FUT9: variants seen among roughly 807,000 people sequenced by gnomAD.
FUT9 encodes the protein fucosyltransferase 9, also known as 4-galactosyl-N-acetylglucosaminide 3-alpha-L-fucosyltransferase 9.
Under a neutral mutation model 29.7 loss-of-function variants are expected in FUT9, and 15 were observed. The ratio of observed to expected loss-of-function variants is 0.51; its 90% CI spans 0.34 to 0.78. The LOEUF (loss-of-function observed/expected upper bound fraction) is 0.78. FUT9 is among the 30% of genes least tolerant of loss of function. FUT9 has a pLI of 0.01. For synonymous variants in FUT9, 169 were observed against 153.7 expected (o/e 1.10, Z -0.74); for missense variants, 319 against 425.4 (o/e 0.75, Z 2.20).
At chr6:96,016,380 A>G (rs891132758) in intron 1 of FUT9, among the ~76,000 whole-genome samples, 168 bp downstream of exon 1, 2 of 150,650 alleles carry the variant, frequency 1.3e-5, no homozygotes, top group African/African-American at 4.9e-5. Flanking sequence ...TTTGATTTCA[A>G]CTCCACCTGC....
intron 1 of FUT9, among the ~76,000 whole-genome samples, chr6:96,034,669 G>C (rs1003436377): frequency 6.6e-6 from 1 of 151,556 alleles, no homozygotes; most frequent in Non-Finnish European, 1.5e-5. Context: ...ACTACAATAA[G>C]GGCAATTTAA....
chr6:96,139,611 C>T (rs1772424171), intron 2 of FUT9, among the ~76,000 whole-genome samples: 1 of 152,180 alleles, frequency 6.6e-6, no homozygotes, highest in Non-Finnish European at 1.5e-5. Context: ...TCTGCCTGGA[C>T]ATCCAGGCAT....
intron 2 of FUT9, among the ~76,000 whole-genome samples, chr6:96,195,716 C>T (rs1245891438): frequency 6.6e-6 from 1 of 152,044 alleles, no homozygotes; most frequent in African/African-American, 2.4e-5. Context: ...TGCACGTGTT[C>T]TTAGCATAAA....
intron 1 of FUT9, among the ~76,000 whole-genome samples, chr6:96,054,494 A>G (rs554237857): frequency 6.6e-6 from 1 of 152,346 alleles, no homozygotes; most frequent in South Asian, 2.1e-4. Flanking sequence ...CTACAAAGAT[A>G]AAAGAAAAGA....
chr6:96,085,414 T>C (rs913885388), intron 1 of FUT9, among the ~76,000 whole-genome samples: 4 of 152,198 alleles, frequency 2.6e-5, no homozygotes, highest in African/African-American at 9.7e-5. Context: ...TTGTGGTCTC[T>C]TTTATAAGGG....
intron 1 of FUT9, among the ~76,000 whole-genome samples, chr6:96,047,107 A>T (rs149389765): frequency 9.8e-5 from 15 of 152,326 alleles, no homozygotes; most frequent in African/African-American, 3.6e-4. Flanking sequence ...CCTGAAGCTC[A>T]TATGGTTTGG....
chr6:96,124,312 C>T (rs1479959623), intron 2 of FUT9, among the ~76,000 whole-genome samples: 1 of 151,480 alleles, frequency 6.6e-6, no homozygotes, highest in African/African-American at 2.4e-5. Flanking sequence ...CCACCACGAC[C>T]GGCTAATTTT....
intron 2 of FUT9, among the ~76,000 whole-genome samples, chr6:96,185,967 C>T (rs1773399119): frequency 6.6e-6 from 1 of 152,028 alleles, no homozygotes; most frequent in African/African-American, 2.4e-5. Context: ...CTCCAAGGTT[C>T]GAGAAATTTG....
Position 96,091,079 on chromosome 6 carries a change from T to A in FUT9, c.-97-22960T>A, listed in dbSNP as rs774031558. On this transcript the variant is annotated intron_variant, in intron 1 of 2. Transcript: ENST00000302103. ...CCCATCTCAAATATCACCCTGCAGATTACTTTTTAATTGCAATGGGAAATA... is the reference window on the plus strand; with the variant it reads ...CCCATCTCAAATATCACCCTGCAGAATACTTTTTAATTGCAATGGGAAATA... 3.9e-5 allele frequency among the ~76,000 whole-genome samples: 6 copies of A among 152,178 alleles called. No homozygotes were observed. In the Middle Eastern group the frequency reaches 0.02, roughly 518 times the overall value.
intron 2 of FUT9, among the ~76,000 whole-genome samples, chr6:96,116,492 G>T (rs1054024435): frequency 6.6e-6 from 1 of 152,138 alleles, no homozygotes; most frequent in Non-Finnish European, 1.5e-5. Context: ...AATATTTACA[G>T]AAAATTTGAT....
intron 1 of FUT9, among the ~76,000 whole-genome samples, chr6:96,056,768 C>A (rs750032365): frequency 1.3e-5 from 2 of 151,536 alleles, no homozygotes; most frequent in African/African-American, 4.9e-5. Context: ...AAAAAAAAAA[C>A]CTAAGCTTTT....
At chr6:96,135,707 C>T (rs889241860) in intron 2 of FUT9, among the ~76,000 whole-genome samples, 8 of 151,646 alleles carry the variant, frequency 5.3e-5, no homozygotes, top group South Asian at 2.1e-4. Flanking sequence ...TTGTAGAAGA[C>T]GAATGAGTTC....
Position 96,036,378 on chromosome 6 carries a change from C to G in FUT9, c.-98+20166C>G, listed in dbSNP as rs543639818. 6.8e-4 allele frequency among the ~76,000 whole-genome samples: 103 copies of G among 151,196 alleles called. 1 individual carries two copies. The highest frequency in any genetic ancestry group is 2.4e-3 in the African/African-American group (101 of 41,292). On this transcript the variant is annotated intron_variant, in intron 1 of 2. Coordinates refer to ENST00000302103, the MANE Select transcript of FUT9 (RefSeq NM_006581.4). ...ATTTGCTATTATAATTAAATAAAACCAAGAGCAATGTTAATCTGATACATT... is the reference window on the plus strand; with the variant it reads ...ATTTGCTATTATAATTAAATAAAACGAAGAGCAATGTTAATCTGATACATT...
chr6:96,113,455 T>G (rs1771848180), intron 1 of FUT9, among the ~76,000 whole-genome samples: 1 of 150,612 alleles, frequency 6.6e-6, no homozygotes, highest in Non-Finnish European at 1.5e-5. Flanking sequence ...GCCAAGCTGG[T>G]CTTGAACTCC....
At chr6:96,095,206 C>T (rs1429049943) in intron 1 of FUT9, among the ~76,000 whole-genome samples, 1 of 152,018 alleles carries the variant, frequency 6.6e-6, no homozygotes, top group Non-Finnish European at 1.5e-5. Flanking sequence ...TGTGAATGAT[C>T]CCTCACCTTT....
At chr6:96,188,000 A>C (rs541789942) in intron 2 of FUT9, among the ~76,000 whole-genome samples, 1 of 152,104 alleles carries the variant, frequency 6.6e-6, no homozygotes, top group African/African-American at 2.4e-5. Context: ...CTTCATAAAC[A>C]CCCCAATAAT....
chr6:96,120,457 T>TAA (rs1772004741), intron 2 of FUT9, among the ~76,000 whole-genome samples: 1 of 150,492 alleles, frequency 6.6e-6, no homozygotes, highest in Admixed American at 6.6e-5. Context: ...AATTTTTTTT[T>TAA]TAATTTTAGT....
chr6:96,117,389 A>G (rs1771931987), intron 2 of FUT9, among the ~76,000 whole-genome samples: 1 of 152,190 alleles, frequency 6.6e-6, no homozygotes, highest in Admixed American at 6.5e-5. Flanking sequence ...TTTTTATTTT[A>G]AAATACATAG....
intron 1 of FUT9, among the ~76,000 whole-genome samples, chr6:96,054,173 T>C (rs1205442367): frequency 2.6e-5 from 4 of 152,214 alleles, no homozygotes; most frequent in Non-Finnish European, 5.9e-5. Flanking sequence ...TAAGTCAAGA[T>C]GAGGGGACAG....
Sources: allele counts gnomAD v4.1 joint callset (sites outside exome capture counted in the v4.1 genomes callset), GRCh38; gene constraint gnomAD v4.1.1; transcripts MANE v1.5; gene names NCBI Gene and HGNC (gene_info 2026-07-23, HGNC 2026-07-21).